The following RAI1 variants were observed in gnomAD, a reference collection of about 807,000 sequenced individuals.
RAI1 encodes retinoic acid induced 1.
A neutral mutation model predicts 123.8 loss-of-function variants in RAI1; 9 were observed. That is an observed-to-expected ratio of 0.07 (90% confidence interval 0.04 to 0.13). RAI1 has a LOEUF of 0.13. Ranked by LOEUF, RAI1 falls within the 10% of genes least tolerant of loss-of-function variation. The probability of loss-of-function intolerance (pLI) is 1.00; values close to 1 mark genes in which losing one functional copy is unlikely to be tolerated. For synonymous variants in RAI1, 1,231 were observed against 1,127.3 expected, an observed-to-expected ratio of 1.09 and a Z score of -1.84; for missense variants, 2,256 against 2,545.8, an observed-to-expected ratio of 0.89 and a Z score of 2.45.
chr17:17,781,909 T>G (rs951306889), intron 2 of RAI1, among the ~76,000 whole-genome samples: 2 of 151,632 alleles, frequency 1.3e-5, no homozygotes, highest in African/African-American at 4.8e-5. Context: ...GGGTGGGCGT[T>G]GAGGAGGGAA....
chr17:17,783,736 C>G (rs1214697471), intron 2 of RAI1, among the ~76,000 whole-genome samples: 2 of 151,212 alleles, frequency 1.3e-5, no homozygotes, highest in African/African-American at 4.9e-5. Context: ...CCGGGGCGCC[C>G]GGTGACCCCC....
In RAI1 at chr17:17,798,115, G is replaced by A. The variant is rs776640375; in HGVS notation, c.5167G>A (p.Val1723Met). Residue 1723 changes from valine to methionine, a missense_variant, in exon 3 of 6, where the codon GTG (valine) becomes ATG (methionine). Around this residue, in one of 7 missense-constraint regions of RAI1, gnomAD observed 243 missense variants for 316.6 expected, o/e 0.77. Coordinates refer to ENST00000353383, the MANE Select transcript of RAI1 (RefSeq NM_030665.4). ...PKKKPKLKEK[V>M]RPEGTCEEAS... The stretch of plus-strand genomic sequence containing the variant: ...AAAGAAGCCAAAACTCAAGGAGAAG[G>A]TGCGGCCAGAAGGCACCTGTGAGGA... 3 of 1,613,882 alleles carry A rather than the reference G, an allele frequency of 1.9e-6. No individual in the cohort carries two copies. Among genetic ancestry groups the A allele is most frequent in the Non-Finnish European group, 2.5e-6 (3 of 1,180,040 alleles).
intron 2 of RAI1, among the ~76,000 whole-genome samples, chr17:17,724,464 C>T (rs1254054026): frequency 9.3e-5 from 13 of 140,056 alleles, no homozygotes; most frequent in South Asian, 2.2e-4. Flanking sequence ...CTGGGGATTC[C>T]CCCCTCCCCT....
chr17:17,781,827 C>T (rs553466967), intron 2 of RAI1, among the ~76,000 whole-genome samples: 2 of 152,220 alleles, frequency 1.3e-5, no homozygotes, highest in South Asian at 4.1e-4. Flanking sequence ...GCGGGGGCAG[C>T]GCCCCACTTG....
At chr17:17,806,227 A>G (rs573863438) in intron 4 of RAI1, among the ~76,000 whole-genome samples, 3 of 152,374 alleles carry the variant, frequency 2.0e-5, no homozygotes, top group African/African-American at 4.8e-5. Context: ...CCAGGCCTCA[A>G]AAGATCGGGG....
intron 1 of RAI1, among the ~76,000 whole-genome samples, chr17:17,718,560 G>T (rs931487655): frequency 2.6e-5 from 4 of 152,148 alleles, no homozygotes; most frequent in Non-Finnish European, 5.9e-5. Context: ...GTTCCCTGCT[G>T]TCCCACAGTG....
intron 2 of RAI1, among the ~76,000 whole-genome samples, chr17:17,752,921 G>A (rs1468440546): frequency 6.6e-6 from 1 of 152,246 alleles, no homozygotes; most frequent in African/African-American, 2.4e-5. Flanking sequence ...TCTGTGGCCT[G>A]GCACACAGTA....
At chr17:17,743,670 G>C (rs957212062) in intron 2 of RAI1, among the ~76,000 whole-genome samples, 2 of 152,276 alleles carry the variant, frequency 1.3e-5, no homozygotes, top group Admixed American at 1.3e-4. Flanking sequence ...CTGAAGCTCA[G>C]CTGGCAAATG....
intron 1 of RAI1, among the ~76,000 whole-genome samples, chr17:17,710,299 C>T (rs888854942): frequency 6.6e-6 from 1 of 152,208 alleles, no homozygotes; most frequent in African/African-American, 2.4e-5. Context: ...CCCTCACCTA[C>T]CCAGGACCCC....
chr17:17,722,505 G>A (rs1915914373), intron 1 of RAI1, among the ~76,000 whole-genome samples: 1 of 152,192 alleles, frequency 6.6e-6, no homozygotes, highest in African/African-American at 2.4e-5. Flanking sequence ...CGCCGGCCTT[G>A]AGTGCGCTCC....
chr17:17,771,386 G>C (rs1032476198), intron 2 of RAI1, among the ~76,000 whole-genome samples: 1 of 152,226 alleles, frequency 6.6e-6, no homozygotes, highest in Non-Finnish European at 1.5e-5. Flanking sequence ...AGGCCCATGA[G>C]AGGGAACAAG....
chr17:17,708,841 G>T (rs1044188509), intron 1 of RAI1, among the ~76,000 whole-genome samples: 1 of 152,208 alleles, frequency 6.6e-6, no homozygotes, highest in African/African-American at 2.4e-5. Flanking sequence ...GTGCTCAAAT[G>T]CTGCAGTTCA....
At chr17:17,718,051 C>T (rs529576918) in intron 1 of RAI1, among the ~76,000 whole-genome samples, 2 of 152,266 alleles carry the variant, frequency 1.3e-5, no homozygotes, top group East Asian at 1.9e-4. Context: ...AGGCAGAAGA[C>T]GCCTCGGTCT....
chr17:17,708,277 C>T (rs956251762), intron 1 of RAI1, among the ~76,000 whole-genome samples: 4 of 152,092 alleles, frequency 2.6e-5, no homozygotes, highest in Non-Finnish European at 5.9e-5. Context: ...AGGAGACCCC[C>T]TTGATGAACT....
At chr17:17,715,983 C>T (rs1354403233) in intron 1 of RAI1, among the ~76,000 whole-genome samples, 5 of 152,184 alleles carry the variant, frequency 3.3e-5, no homozygotes, top group African/African-American at 1.2e-4. Context: ...CAAACTATGG[C>T]GGGGGGAATG....
chr17:17,738,896 A>C (rs539951618), intron 2 of RAI1, among the ~76,000 whole-genome samples: 1 of 152,130 alleles, frequency 6.6e-6, no homozygotes, highest in Non-Finnish European at 1.5e-5. Context: ...TGTTTTTATA[A>C]GTACACGGGC....
chr17:17,718,452 G>T (rs962241423), intron 1 of RAI1, among the ~76,000 whole-genome samples: 1 of 152,208 alleles, frequency 6.6e-6, no homozygotes, highest in Non-Finnish European at 1.5e-5. Flanking sequence ...TGCTCAGGAA[G>T]TGCTTGGCGT....
At chr17:17,696,610 G>GTT (rs1915046314) in intron 1 of RAI1, among the ~76,000 whole-genome samples, 1 of 152,216 alleles carries the variant, frequency 6.6e-6, no homozygotes, top group Admixed American at 6.5e-5. Flanking sequence ...CACTTTCTGA[G>GTT]TTTGTCCTCT....
Position 17,811,207 on chromosome 17 carries a change from T to C in RAI1, c.*1226T>C. 1 of 333,796 alleles carries C rather than the reference T, an allele frequency of 3.0e-6. No individual in the cohort carries two copies. Among genetic ancestry groups the C allele is most frequent in the South Asian group, 2.4e-5 (1 of 40,824 alleles). 20.7% of individuals were successfully genotyped at this position (333,796 alleles called of 1,614,324 possible). The stretch of plus-strand genomic sequence containing the variant: ...ATATGACTGTAAAATGGTAAACGTG[T>C]GTATTATATCTGGCCTCGTTATATA... On this transcript the variant is annotated 3_prime_UTR_variant, in exon 6 of 6. Coordinates refer to ENST00000353383, the MANE Select transcript of RAI1 (RefSeq NM_030665.4).
Sources: allele counts gnomAD v4.1 joint callset (sites outside exome capture counted in the v4.1 genomes callset), GRCh38; gene constraint gnomAD v4.1.1; regional missense constraint gnomAD v4.1.1; transcripts MANE v1.5; gene names NCBI Gene and HGNC (gene_info 2026-07-23, HGNC 2026-07-21).